COLEC10: variants seen among roughly 807,000 people sequenced by gnomAD.
COLEC10 encodes the protein collectin-10.
Under a neutral mutation model 28.4 loss-of-function variants are expected in COLEC10, and 22 were observed. The ratio of observed to expected loss-of-function variants is 0.78; its 90% CI spans 0.55 to 1.11. The LOEUF (loss-of-function observed/expected upper bound fraction) is 1.11. COLEC10 is among the 50% of genes least tolerant of loss of function. The pLI is 0.00. For missense variants in COLEC10, 361 were observed against 344.1 expected, an observed-to-expected ratio of 1.05 and a Z score of -0.39; for synonymous variants, 125 against 116.1, an observed-to-expected ratio of 1.08 and a Z score of -0.49.
At chr8:118,967,089 GA>G in the COLEC10 span, among the ~76,000 whole-genome samples, 2 of 152,004 alleles carry the variant, frequency 1.3e-5, no homozygotes, top group South Asian at 4.1e-4. Flanking sequence ...AAGACACAGG[GA>G]AATGGTTTTA....
intron 2 of COLEC10, among the ~76,000 whole-genome samples, chr8:119,020,160 G>A (rs1400578147): frequency 6.6e-6 from 1 of 152,016 alleles, no homozygotes; most frequent in African/African-American, 2.4e-5. Context: ...GACATTCAAG[G>A]TTGTGAACTG....
chr8:119,039,057 T>C (rs905015978), intron 2 of COLEC10, among the ~76,000 whole-genome samples: 2 of 152,186 alleles, frequency 1.3e-5, no homozygotes, highest in Non-Finnish European at 2.9e-5. Flanking sequence ...TCACAGTCTG[T>C]AGCATGAATC....
the COLEC10 span, chr8:118,976,629 CT>C: frequency 6.6e-6 from 1 of 152,280 alleles, no homozygotes; most frequent in East Asian, 1.9e-4. Context: ...TACGTTAGAC[CT>C]AAAACCATAA....
chr8:119,097,402 G>A (rs987733403), intron 3 of COLEC10, among the ~76,000 whole-genome samples: 4 of 151,910 alleles, frequency 2.6e-5, no homozygotes, highest in African/African-American at 9.7e-5. Flanking sequence ...TATGAATGCA[G>A]CCAAACATAC....
At chr8:118,971,905 G>A in the COLEC10 span, among the ~76,000 whole-genome samples, 13 of 151,862 alleles carry the variant, frequency 8.6e-5, no homozygotes, top group African/African-American at 1.4e-4. Context: ...GCATTGTATC[G>A]GGAGCTTTTG....
the COLEC10 span, among the ~76,000 whole-genome samples, chr8:118,968,591 A>G: frequency 4.6e-5 from 7 of 151,012 alleles, no homozygotes; most frequent in African/African-American, 1.2e-4. Context: ...ATATGTGTGT[A>G]TATATATACG....
At chr8:119,049,405 T>C (rs1814637796) in intron 2 of COLEC10, among the ~76,000 whole-genome samples, 1 of 85,190 alleles carries the variant, frequency 1.2e-5, no homozygotes, top group Admixed American at 1.2e-4. Context: ...TCTTTTCTTT[T>C]TTTTTTTTTT....
chr8:119,067,155 C>T, upstream of COLEC10: 1 of 901,454 alleles, frequency 1.1e-6, no homozygotes, highest in Non-Finnish European at 1.7e-6. Context: ...TCCTTCCTGT[C>T]TCTGTAGCCC....
the COLEC10 span, among the ~76,000 whole-genome samples, chr8:118,980,963 T>G: frequency 3.8e-5 from 5 of 132,638 alleles, no homozygotes; most frequent in African/African-American, 3.4e-5. Context: ...CCCTGAGCAT[T>G]TTTTTGTCTA....
At chr8:118,992,558 G>C (rs760153441), upstream of COLEC10, among the ~76,000 whole-genome samples, 17 of 152,026 alleles carry the variant, frequency 1.1e-4, no homozygotes, top group Non-Finnish European at 1.5e-4. Flanking sequence ...TAAAGAACTC[G>C]ACCTTAAAAA....
intron 2 of COLEC10, among the ~76,000 whole-genome samples, chr8:119,020,197 C>T (rs1206329992): frequency 9.9e-5 from 15 of 152,232 alleles, no homozygotes; most frequent in Admixed American, 5.2e-4. Flanking sequence ...CCTCATTCTA[C>T]GTTCCCTAGG....
intron 2 of COLEC10, among the ~76,000 whole-genome samples, chr8:119,035,607 T>C (rs1434961134): frequency 6.6e-6 from 1 of 152,214 alleles, no homozygotes; most frequent in African/African-American, 2.4e-5. Context: ...CTTTGAGGAT[T>C]GCCCCAACTC....
chr8:119,041,907 T>C (rs1364034791), intron 2 of COLEC10, among the ~76,000 whole-genome samples: 1 of 152,174 alleles, frequency 6.6e-6, no homozygotes, highest in East Asian at 1.9e-4. Context: ...ATTATCCATT[T>C]TAATTTACTG....
chr8:119,009,840 C>CT (rs200413437), intron 2 of COLEC10, among the ~76,000 whole-genome samples: 17 of 142,522 alleles, frequency 1.2e-4, no homozygotes, highest in Admixed American at 2.1e-4. Flanking sequence ...AAGCTCAGCT[C>CT]TTTTTTTTAA....
chr8:118,992,123 C>A (rs1309885331), upstream of COLEC10, among the ~76,000 whole-genome samples: 1 of 152,056 alleles, frequency 6.6e-6, no homozygotes, highest in Non-Finnish European at 1.5e-5. Flanking sequence ...CAGCCTACAT[C>A]AATTAATAAT....
chr8:119,044,628 A>G (rs533663618), intron 2 of COLEC10, among the ~76,000 whole-genome samples: 2 of 152,174 alleles, frequency 1.3e-5, no homozygotes, highest in Admixed American at 6.5e-5. Flanking sequence ...GGGCGGGGGC[A>G]TGGATCGTTT....
intron 5 of COLEC10, among the ~76,000 whole-genome samples, chr8:119,105,201 C>T (rs189050446): frequency 6.6e-6 from 1 of 152,192 alleles, no homozygotes; most frequent in East Asian, 1.9e-4. Flanking sequence ...TGGTCATTGT[C>T]CTTAAGACAT....
At chr8:119,020,346 C>A (rs1157104268) in intron 2 of COLEC10, among the ~76,000 whole-genome samples, 12 of 152,142 alleles carry the variant, frequency 7.9e-5, no homozygotes, top group African/African-American at 2.9e-4. Flanking sequence ...TTACCAGGTA[C>A]TGTTTTAGGT....
the COLEC10 span, among the ~76,000 whole-genome samples, chr8:118,985,851 G>A: frequency 2.0e-5 from 3 of 152,182 alleles, no homozygotes; most frequent in South Asian, 6.2e-4. Flanking sequence ...AAGATTGTCA[G>A]GTAAGGGCCC....
Sources: gnomAD v4.1 joint callset for allele counts (sites outside exome capture counted in the v4.1 genomes callset) on GRCh38, gnomAD v4.1.1 for gene constraint, MANE v1.5 for transcripts, NCBI Gene and HGNC (gene_info 2026-07-23, HGNC 2026-07-21) for gene names.